Variants in PKN2 observed in about 807,000 individuals in gnomAD.
The protein encoded by PKN2 is protein kinase N2.
PKN2 carries 38 observed loss-of-function variants against 119.1 expected under a neutral mutation model. The ratio of observed to expected loss-of-function variants is 0.32; its 90% CI spans 0.25 to 0.42. The LOEUF (loss-of-function observed/expected upper bound fraction) is 0.42, where lower values mean the gene tolerates loss of function less well. Ranked by LOEUF, PKN2 falls within the 10% of genes least tolerant of loss-of-function variation. The pLI is 1.00. For missense variants in PKN2, 850 were observed against 1,165.1 expected (o/e 0.73, Z 3.94); for synonymous variants, 390 against 384.9 (o/e 1.01, Z -0.15).
intron 1 of PKN2, among the ~76,000 whole-genome samples, chr1:88,688,116 C>G (rs932087066): frequency 6.6e-6 from 1 of 151,624 alleles, no homozygotes; most frequent in Non-Finnish European, 1.5e-5. Flanking sequence ...GACGGAGTCT[C>G]GCACTGTCAC....
At chr1:88,788,278 AAC>A (rs1221232291) in intron 8 of PKN2, among the ~76,000 whole-genome samples, 1 of 152,230 alleles carries the variant, frequency 6.6e-6, no homozygotes, top group East Asian at 1.9e-4. Flanking sequence ...CTCAGGACGC[AAC>A]ACAGTCTTTT....
At chr1:88,714,323 G>A (rs920350368) in intron 1 of PKN2, among the ~76,000 whole-genome samples, 1 of 152,098 alleles carries the variant, frequency 6.6e-6, no homozygotes, top group Non-Finnish European at 1.5e-5. Flanking sequence ...GTGAAGAAAG[G>A]CATTGGTAGT....
intron 18 of PKN2, among the ~76,000 whole-genome samples, chr1:88,828,213 C>G (rs1279048399): frequency 6.6e-6 from 1 of 152,108 alleles, no homozygotes; most frequent in African/African-American, 2.4e-5. Flanking sequence ...TTTCTTAGCT[C>G]CCTTGTAATG....
chr1:88,782,056 AT>A (rs1455244084), intron 6 of PKN2, among the ~76,000 whole-genome samples: 4 of 152,066 alleles, frequency 2.6e-5, no homozygotes, highest in Admixed American at 2.6e-4. Context: ...GTATATGCCT[AT>A]TTCACCATCA....
chr1:88,818,335 T>G (rs545976546), intron 16 of PKN2, among the ~76,000 whole-genome samples: 44 of 152,314 alleles, frequency 2.9e-4, no homozygotes, highest in Non-Finnish European at 5.6e-4. Context: ...TACCATTGAC[T>G]TTCTTCACAG....
intron 8 of PKN2, among the ~76,000 whole-genome samples, chr1:88,801,978 G>A (rs1671329514): frequency 6.6e-6 from 1 of 152,162 alleles, no homozygotes. Flanking sequence ...AGAGGAAGAG[G>A]AAGTTGCTTA....
Position 88,794,020 on chromosome 1 carries a change from C to G in PKN2, c.1281+7807C>G, listed in dbSNP as rs111317866. Among the ~76,000 whole-genome samples the G allele has an allele frequency of 9.9e-3, 1,514 of 152,210 alleles. 22 individuals are homozygous for G. Among genetic ancestry groups the G allele is most frequent in the African/African-American group, 0.034 (1,430 of 41,526 alleles). On this transcript the variant is annotated intron_variant, in intron 8 of 21. Coordinates refer to ENST00000370521, the MANE Select transcript of PKN2 (RefSeq NM_006256.4). ...CTTTGAACTCCTGAACTCTGGTATA[C>G]CTTTACTCCTTTGTCATTTTAAATG...
intron 1 of PKN2, among the ~76,000 whole-genome samples, chr1:88,694,060 T>C (rs1666431248): frequency 6.6e-6 from 1 of 152,196 alleles, no homozygotes; most frequent in South Asian, 2.1e-4. Flanking sequence ...TCCCTACATA[T>C]GTACATATGC....
At chr1:88,754,262 T>C (rs1669115366) in intron 2 of PKN2, among the ~76,000 whole-genome samples, 1 of 151,096 alleles carries the variant, frequency 6.6e-6, no homozygotes, top group African/African-American at 2.5e-5. Flanking sequence ...ATGTCGCATT[T>C]TTCCTCTCTT....
chr1:88,772,476 GTAAGT>G (rs1669935983), intron 6 of PKN2, among the ~76,000 whole-genome samples: 1 of 152,140 alleles, frequency 6.6e-6, no homozygotes, highest in African/African-American at 2.4e-5. Flanking sequence ...TGCTTAACCA[GTAAGT>G]ATAATATAAT....
rs1672930608 is a variant in PKN2, at chr1:88,836,030, A to G, written c.*2582A>G. The G allele has an allele frequency of 6.6e-6, 1 of 152,126 alleles. No homozygotes were observed. The highest frequency in any genetic ancestry group is 6.6e-5 in the Admixed American group (1 of 15,260). The allele number at this position is 152,126 out of a possible 1,614,324, so 9.4% of individuals were successfully genotyped here. On this transcript the variant is annotated 3_prime_UTR_variant, in exon 22 of 22. Transcript: ENST00000370521. ...ATTCTGCTCCTGTAAGGTCAGTAGC[A>G]TCTTTTATTTGAAGCATATTTATGG...
chr1:88,741,127 A>G lies in PKN2; in HGVS notation c.188A>G (p.Lys63Arg), dbSNP rs1668562078. 2 of 1,612,968 alleles carry G rather than the reference A, an allele frequency of 1.2e-6. No homozygotes were observed. The highest frequency in any genetic ancestry group is 1.7e-6 in the Non-Finnish European group (2 of 1,179,576). The change falls in exon 2 of 22, where the codon AAA (lysine) becomes AGA (arginine). Residue 63 changes from lysine to arginine, a missense_variant. Lys to Arg is a conservative substitution (Grantham distance 26). Coordinates refer to ENST00000370521, the MANE Select transcript of PKN2 (RefSeq NM_006256.4). ...GAAATAAGGAAAGAACTGAAAATCA[A>G]AGAAGGAGCTGAAAATCTGAGGAAA... ...KREIRKELKI[K>R]EGAENLRKVT... is the part of the protein sequence containing the mutation.
chr1:88,774,254 T>C (rs143321799), intron 6 of PKN2, among the ~76,000 whole-genome samples: 243 of 152,322 alleles, frequency 1.6e-3, no homozygotes, highest in Middle Eastern at 3.4e-3. Flanking sequence ...TGCAGAATTT[T>C]CATTGGGGCT....
At chr1:88,749,189 A>G (rs1668889213) in intron 2 of PKN2, among the ~76,000 whole-genome samples, 2 of 152,204 alleles carry the variant, frequency 1.3e-5, no homozygotes, top group Non-Finnish European at 2.9e-5. Context: ...TATGTACAGA[A>G]TGAAGAAGTC....
intron 8 of PKN2, among the ~76,000 whole-genome samples, chr1:88,801,940 C>T (rs781013850): frequency 6.6e-5 from 10 of 152,148 alleles, no homozygotes; most frequent in Non-Finnish European, 1.2e-4. Context: ...TAAAACTTTC[C>T]TAAATAGGTA....
At chr1:88,750,585 TG>T (rs1668947792) in intron 2 of PKN2, among the ~76,000 whole-genome samples, 2 of 152,190 alleles carry the variant, frequency 1.3e-5, no homozygotes, top group African/African-American at 2.4e-5. Context: ...AGCTAGGCTG[TG>T]TTTTCTGGGC....
intron 16 of PKN2, among the ~76,000 whole-genome samples, chr1:88,820,220 AT>A (rs1672205867): frequency 1.5e-4 from 17 of 113,242 alleles, no homozygotes; most frequent in African/African-American, 2.1e-4. Context: ...ATATATATAT[AT>A]ATATATATAT....
At chr1:88,826,216 G>A (rs1006551919) in intron 18 of PKN2, among the ~76,000 whole-genome samples, 1 of 152,110 alleles carries the variant, frequency 6.6e-6, no homozygotes, top group African/African-American at 2.4e-5. Flanking sequence ...CTTGACACAG[G>A]TGCCTAGAAC....
At chr1:88,783,300 G>T (rs1670431187) in intron 6 of PKN2, among the ~76,000 whole-genome samples, 2 of 152,064 alleles carry the variant, frequency 1.3e-5, no homozygotes, top group Non-Finnish European at 2.9e-5. Context: ...TGGTTTCCTT[G>T]TACTCTTATT....
Sources: allele counts gnomAD v4.1 joint callset (sites outside exome capture counted in the v4.1 genomes callset), GRCh38; gene constraint gnomAD v4.1.1; transcripts MANE v1.5; gene names NCBI Gene and HGNC (gene_info 2026-07-23, HGNC 2026-07-21).